The following SLCO1A2 variants were observed in gnomAD, a reference collection of about 807,000 sequenced individuals.
SLCO1A2 encodes OATP-1.
In SLCO1A2, 67 loss-of-function variants were observed where a neutral mutation model predicts 69.0. That is an observed-to-expected ratio of 0.97 (90% CI 0.80 to 1.19). The LOEUF (loss-of-function observed/expected upper bound fraction) is 1.19. Among genes scored for constraint, SLCO1A2 ranks in the 50% most tolerant of loss-of-function variants. The pLI is 0.00. For missense variants in SLCO1A2, 787 were observed against 793.7 expected, an observed-to-expected ratio of 0.99 and a Z score of 0.10; for synonymous variants, 260 against 265.9, an observed-to-expected ratio of 0.98 and a Z score of 0.22.
intron 2 of SLCO1A2, among the ~76,000 whole-genome samples, chr12:21,359,379 A>G (rs973985706): frequency 2.0e-5 from 3 of 151,060 alleles, no homozygotes; most frequent in Non-Finnish European, 4.4e-5. Flanking sequence ...TTGACTATTC[A>G]CTCCTTGTGT....
intron 4 of SLCO1A2, 142 bp from the exon 5 acceptor site, chr12:21,307,130 G>C: frequency 1.9e-6 from 1 of 533,654 alleles, no homozygotes; most frequent in South Asian, 3.3e-5. Context: ...TGGCATCCAA[G>C]TTATCATAAG....
chr12:21,297,724 T>C (rs917714521), intron 8 of SLCO1A2, among the ~76,000 whole-genome samples, 156 bp from the exon 9 acceptor site: 1 of 152,166 alleles, frequency 6.6e-6, no homozygotes, highest in African/African-American at 2.4e-5. Context: ...AAAGCTGAAG[T>C]CATAGCAATG....
At chr12:21,321,135 TCA>T (rs1951562067) in intron 2 of SLCO1A2, among the ~76,000 whole-genome samples, 1 of 152,190 alleles carries the variant, frequency 6.6e-6, no homozygotes. Context: ...TTCGTGACTC[TCA>T]GTCATTTGAT....
At chr12:21,358,248 G>GA (rs1375196534) in intron 2 of SLCO1A2, among the ~76,000 whole-genome samples, 6 of 152,122 alleles carry the variant, frequency 3.9e-5, no homozygotes, top group Non-Finnish European at 8.8e-5. Context: ...AAGTATGCTG[G>GA]AAAAAATCAT....
chr12:21,304,176 T>A (rs1046651398), intron 6 of SLCO1A2, among the ~76,000 whole-genome samples: 1 of 152,140 alleles, frequency 6.6e-6, no homozygotes, highest in Non-Finnish European at 1.5e-5. Context: ...GCCAAGCAGA[T>A]GAAAGGGTCA....
intron 2 of SLCO1A2, among the ~76,000 whole-genome samples, chr12:21,361,105 C>A (rs1938829547): frequency 6.6e-6 from 1 of 152,158 alleles, no homozygotes; most frequent in Non-Finnish European, 1.5e-5. Flanking sequence ...GGTCCCTGAC[C>A]CCTGAGTAGC....
intron 4 of SLCO1A2, chr12:21,311,574 G>A (rs1950149974): frequency 6.6e-6 from 1 of 150,642 alleles, no homozygotes; most frequent in Non-Finnish European, 1.5e-5. Context: ...AGAGCTCCTG[G>A]GCAACTAGAT....
chr12:21,386,426 C>A (rs1380579283), intron 1 of SLCO1A2, among the ~76,000 whole-genome samples: 2 of 152,048 alleles, frequency 1.3e-5, no homozygotes, highest in African/African-American at 4.8e-5. Flanking sequence ...CCACATATTG[C>A]GGGAGGGGCC....
At chr12:21,319,755 G>T (rs1951372870) in intron 2 of SLCO1A2, among the ~76,000 whole-genome samples, 1 of 151,962 alleles carries the variant, frequency 6.6e-6, no homozygotes, top group African/African-American at 2.4e-5. Flanking sequence ...CCTATTATTG[G>T]TATAGTTCCA....
chr12:21,268,444 G>C lies in SLCO1A2; in HGVS notation c.*1104C>G, dbSNP rs1942294656. 1 of 152,068 alleles carries C rather than the reference G, an allele frequency of 6.6e-6. No homozygotes were observed. The highest frequency in any genetic ancestry group is 2.4e-5 in the African/African-American group (1 of 41,436). The allele number at this position is 152,068 out of a possible 1,614,324, so 9.4% of individuals were successfully genotyped here. ...GTCATTTCAACAGGAAGGAGAGTAAGGAGTAGACAAACAGGTATTTGTCTG... is the reference window on the plus strand; with the variant it reads ...GTCATTTCAACAGGAAGGAGAGTAACGAGTAGACAAACAGGTATTTGTCTG... On this transcript the variant is annotated 3_prime_UTR_variant, in exon 15 of 15. Coordinates refer to ENST00000683939, the MANE Select transcript of SLCO1A2 (RefSeq NM_001386879.1).
upstream of SLCO1A2, among the ~76,000 whole-genome samples, chr12:21,398,681 T>A (rs1244613104): frequency 6.6e-6 from 1 of 151,562 alleles, no homozygotes; most frequent in African/African-American, 2.4e-5. Flanking sequence ...TCCACCATGA[T>A]CAAGTGGGCT....
intron 2 of SLCO1A2, among the ~76,000 whole-genome samples, chr12:21,322,516 T>C (rs903066625): frequency 3.9e-5 from 6 of 152,202 alleles, no homozygotes; most frequent in African/African-American, 1.4e-4. Flanking sequence ...AGTTTTAAAA[T>C]GTGCTGATTG....
chr12:21,279,933 G>T (rs1472310943), intron 12 of SLCO1A2, among the ~76,000 whole-genome samples: 1 of 151,484 alleles, frequency 6.6e-6, no homozygotes, highest in African/African-American at 2.4e-5. Flanking sequence ...ATAACAAAAT[G>T]TTAAAAATTA....
upstream of SLCO1A2, among the ~76,000 whole-genome samples, chr12:21,398,663 A>G (rs1188264636): frequency 3.3e-5 from 5 of 151,792 alleles, no homozygotes; most frequent in Non-Finnish European, 5.9e-5. Flanking sequence ...AGCACATCAA[A>G]AAGCTTATCC....
intron 10 of SLCO1A2, 39 bp from the exon 11 acceptor site, chr12:21,294,149 G>T: frequency 7.0e-7 from 1 of 1,423,328 alleles, no homozygotes; most frequent in Non-Finnish European, 9.4e-7. Flanking sequence ...TATTAAAAGA[G>T]GATTCAATCC....
rs187394997 is a variant in SLCO1A2, at chr12:21,362,434, A to G, written c.-63+11965T>C. 1.5e-3 allele frequency among the ~76,000 whole-genome samples: 225 copies of G among 152,330 alleles called. 1 individual carries two copies. Among genetic ancestry groups the G allele is most frequent in the Admixed American group, 3.5e-3 (53 of 15,304 alleles). Reference sequence around the variant, plus strand: ...TGGAAAGGAACAACCGGTACGAGCCACTGCAAAAACATGCCAAATTGTAAA... The same window carrying G: ...TGGAAAGGAACAACCGGTACGAGCCGCTGCAAAAACATGCCAAATTGTAAA... On this transcript the variant is annotated intron_variant, in intron 2 of 15. Coordinates refer to the SLCO1A2 transcript ENST00000307378.
At chr12:21,365,288 A>C (rs1187354599) in intron 2 of SLCO1A2, among the ~76,000 whole-genome samples, 16 of 152,238 alleles carry the variant, frequency 1.1e-4, no homozygotes, top group South Asian at 2.1e-4. Flanking sequence ...CAAAAACAAG[A>C]AATGGGGAAA....
At chr12:21,374,110 C>T (rs73080823) in intron 2 of SLCO1A2, among the ~76,000 whole-genome samples, 4,770 of 152,166 alleles carry the variant, frequency 0.031, 105 homozygotes, top group Middle Eastern at 0.054. Context: ...CAGTAGGTAG[C>T]ATGTATGTCA....
intron 1 of SLCO1A2, among the ~76,000 whole-genome samples, chr12:21,411,483 C>T (rs1941906521): frequency 6.6e-6 from 1 of 152,142 alleles, no homozygotes; most frequent in East Asian, 1.9e-4. Flanking sequence ...TATCCTCACA[C>T]TGTGTTAATT....
Sources: gnomAD v4.1 joint callset for allele counts (sites outside exome capture counted in the v4.1 genomes callset) on GRCh38, gnomAD v4.1.1 for gene constraint, MANE v1.5 for transcripts, NCBI Gene and HGNC (gene_info 2026-07-23, HGNC 2026-07-21) for gene names.